RTBDN: variants seen among roughly 807,000 people sequenced by gnomAD.
The protein encoded by RTBDN is retbindin.
Under a neutral mutation model 21.9 loss-of-function variants are expected in RTBDN, and 24 were observed. The observed-to-expected ratio is 1.10, with a 90% CI of 0.79 to 1.54. The LOEUF (loss-of-function observed/expected upper bound fraction) is 1.54, where lower values mean the gene tolerates loss of function less well. Among genes scored for constraint, RTBDN ranks in the 40% most tolerant of loss-of-function variants. The pLI is 0.00. For synonymous variants in RTBDN, 141 were observed against 125.9 expected (o/e 1.12, Z -0.80); for missense variants, 325 against 315.2 (o/e 1.03, Z -0.23).
chr19:12,825,701 G>T lies in RTBDN; in HGVS notation c.*5C>A, dbSNP rs765358490. 1 of 1,559,956 alleles carries T rather than the reference G, an allele frequency of 6.4e-7. No individual in the cohort carries two copies. Among genetic ancestry groups the T allele is most frequent in the East Asian group, 2.4e-5 (1 of 41,646 alleles). ...TCGCTCCCCCAACTCAGGGCCACGC[G>T]TCCGCTAGGGGCCGCTGCCGCTTCC... is the stretch of plus-strand genomic sequence containing the variant. On this transcript the variant is annotated 3_prime_UTR_variant, in exon 6 of 6. Transcript: ENST00000674343.
In RTBDN at chr19:12,828,916, T is replaced by A. The variant is rs1332495356; in HGVS notation, c.207A>T (p.Thr69=). 6.2e-7 allele frequency: 1 copy of A among 1,614,192 alleles called. No individual in the cohort carries two copies. The highest frequency in any genetic ancestry group is 1.7e-5 in the Admixed American group (1 of 60,018). ...GTTCTGGATGGTTTCCAGGGCCCGA[T>A]GTCTCTGTTGTGTCCATCTCTGAGG... ...CCPSEMDTTE[T]SGPGNHPERC... Residue 69 remains threonine (T), a synonymous_variant, in exon 3 of 6, where the codon ACA becomes ACT. Coordinates refer to ENST00000674343, the MANE Select transcript of RTBDN (RefSeq NM_001270441.2).
In RTBDN at chr19:12,828,736, C is replaced by T. The variant is rs767803918; in HGVS notation, c.286G>A (p.Ala96Thr). The T allele has an allele frequency of 7.4e-6, 12 of 1,614,120 alleles. No homozygotes were observed. Among genetic ancestry groups the T allele is most frequent in the South Asian group, 4.4e-5 (4 of 91,088 alleles). Residue 96 changes from alanine (A) to threonine (T), a missense_variant, in exon 4 of 6, where the codon GCC becomes ACC. Coordinates refer to ENST00000674343, the MANE Select transcript of RTBDN (RefSeq NM_001270441.2). ...CGCAGGCGGAAGCGACTGCGAAGGG[C>T]ACGTTGGAGGTGTTCCAGGAAGGAT... ...CESFLEHLQR[A>T]LRSRFRLRLL...
chr19:12,835,296 T>G (rs1427290400), upstream of RTBDN: 2 of 592,252 alleles, frequency 3.4e-6, no homozygotes, highest in Admixed American at 5.6e-5. Flanking sequence ...TAGGCCTCTC[T>G]GAAGTGCTCC....
At chr19:12,826,018 T>G in intron 5 of RTBDN, 85 bp from the exon 6 acceptor site, 1 of 1,446,644 alleles carries the variant, frequency 6.9e-7, no homozygotes, top group Non-Finnish European at 9.1e-7. Flanking sequence ...AATGTGTAAA[T>G]TCCTTAGGGA....
chr19:12,832,934 C>G (rs994323495), intron 1 of RTBDN: 7 of 152,244 alleles, frequency 4.6e-5, no homozygotes, highest in African/African-American at 1.4e-4. Flanking sequence ...AGGGCTCGGA[C>G]ACTCTCCTCT....
Position 12,825,802 on chromosome 19 carries a change from G to A in RTBDN, c.594C>T (p.Gly198=), listed in dbSNP as rs1473033203. 1.2e-6 allele frequency: 2 copies of A among 1,612,150 alleles called. No individual in the cohort carries two copies. The highest frequency in any genetic ancestry group is 3.3e-5 in the Admixed American group (2 of 59,902). ...GGGAACGCCGGGAGGGAGCTTCCCG[G>A]CCCCGTCGTCCTGGTCTGGGACGAG... The part of the protein sequence containing the change: ...AVPRPRPGRR[G]REAPSRRSRS... Residue 198 remains glycine (G), a synonymous_variant, in exon 6 of 6, where the codon GGC becomes GGT. Transcript: ENST00000674343.
At chr19:12,826,978 G>A in intron 4 of RTBDN, 107 bp from the exon 5 acceptor site, 1 of 769,036 alleles carries the variant, frequency 1.3e-6, no homozygotes, top group East Asian at 2.7e-5. Flanking sequence ...TCGGATCCAG[G>A]CCCCGCCTTT....
rs7246112 is a variant in RTBDN at position 12,829,923 on chromosome 19, G to A, written c.57C>T (p.Thr19=). ...AGGCTTCTAGCAGGATCCATGCCAA[G>A]GTCAGTTGCAGCACCCACGTCAGGC... ...PIGLTWVLQL[T]LAWILLEACG... is the part of the protein sequence containing the mutation. Residue 19 remains threonine, a synonymous_variant, in exon 2 of 6, where the codon ACC becomes ACT. Coordinates refer to ENST00000674343, the MANE Select transcript of RTBDN (RefSeq NM_001270441.2). 2,858 of 1,614,168 alleles carry A rather than the reference G, an allele frequency of 1.8e-3. 35 individuals carry two copies. In the African/African-American group the frequency reaches 0.032, roughly 18 times the overall value.
intron 4 of RTBDN, 85 bp downstream of exon 4, chr19:12,828,572 T>C (rs1969414871): frequency 1.9e-6 from 2 of 1,045,982 alleles, no homozygotes; most frequent in African/African-American, 3.2e-5. Flanking sequence ...CACTCCCCTT[T>C]ACACAGAAGG....
chr19:12,830,095 G>A lies in RTBDN; in HGVS notation c.-18-98C>T. The A allele has an allele frequency of 7.1e-7, 1 of 1,417,988 alleles. No individual in the cohort carries two copies. The highest frequency in any genetic ancestry group is 2.4e-5 in the East Asian group (1 of 41,850). 87.8% of individuals were successfully genotyped at this position (1,417,988 alleles called of 1,614,324 possible). On this transcript the variant is annotated intron_variant, in intron 1 of 5. Coordinates refer to ENST00000674343, the MANE Select transcript of RTBDN (RefSeq NM_001270441.2). This position sits in a 1 kb window ranked among gnomAD's most constrained non-coding sequence, Gnocchi z 4.2. ...AAGAAGCAGTGCCAGGCAGAGTAGG[G>A]AAAGTGCAGCTGAGGAGGAGGCTGG...
Position 12,829,940 on chromosome 19 carries a change from A to G in RTBDN, c.40T>C (p.Trp14Arg). The G allele has an allele frequency of 6.2e-7, 1 of 1,614,112 alleles. No individual in the cohort carries two copies. The highest frequency in any genetic ancestry group is 8.5e-7 in the Non-Finnish European group (1 of 1,179,972). ...CATGCCAAGGTCAGTTGCAGCACCCACGTCAGGCCGATGGGTCGCATGTGG... is the reference window on the plus strand; with the variant it reads ...CATGCCAAGGTCAGTTGCAGCACCCGCGTCAGGCCGATGGGTCGCATGTGG... ...RVHMRPIGLT[W>R]VLQLTLAWIL... Residue 14 changes from tryptophan (W) to arginine (R), a missense_variant, in exon 2 of 6, where the codon TGG becomes CGG. Coordinates refer to ENST00000674343, the MANE Select transcript of RTBDN (RefSeq NM_001270441.2).
Position 12,830,347 on chromosome 19 carries a change from C to A in RTBDN, c.-18-350G>T. 6.8e-6 allele frequency: 7 copies of A among 1,024,482 alleles called. No homozygotes were observed. Among genetic ancestry groups the A allele is most frequent in the Non-Finnish European group, 8.2e-6 (7 of 855,104 alleles). The allele number at this position is 1,024,482 out of a possible 1,614,324, so 63.5% of individuals were successfully genotyped here. On this transcript the variant is annotated intron_variant, in intron 1 of 5. Coordinates refer to ENST00000674343, the MANE Select transcript of RTBDN (RefSeq NM_001270441.2). This position sits in a 1 kb window ranked among gnomAD's most constrained non-coding sequence, Gnocchi z 4.2. The stretch of plus-strand genomic sequence containing the variant: ...AGGGGACCTCCCTAGGTCTTCCAAT[C>A]CCCCTCTCCTGTTCAGTAATTCCTC...
At chr19:12,827,320 ATTTTTTT>A (rs34634301) in intron 4 of RTBDN, among the ~76,000 whole-genome samples, 4 of 120,340 alleles carry the variant, frequency 3.3e-5, no homozygotes, top group Non-Finnish European at 6.8e-5. Flanking sequence ...TGTCCGATTA[ATTTTTTT>A]TTTTTTTTTT....
intron 5 of RTBDN, chr19:12,826,369 C>A (rs2145842793): frequency 7.9e-7 from 1 of 1,271,862 alleles, no homozygotes. Flanking sequence ...GAGTACCAAT[C>A]CGGTCTCTGG....
intron 5 of RTBDN, chr19:12,826,469 G>A (rs1217103645): frequency 5.2e-6 from 6 of 1,146,428 alleles, no homozygotes; most frequent in East Asian, 5.3e-5. Flanking sequence ...CGAGGTGGGC[G>A]GATCACCTGA....
intron 1 of RTBDN, among the ~76,000 whole-genome samples, chr19:12,831,015 GTT>G (rs1969553211): frequency 1.0e-5 from 1 of 98,484 alleles, no homozygotes. Flanking sequence ...TGGTGGAGTG[GTT>G]GTGTGTGTGT....
intron 1 of RTBDN, among the ~76,000 whole-genome samples, chr19:12,831,180 T>G (rs1969560271): frequency 6.6e-6 from 1 of 152,026 alleles, no homozygotes; most frequent in Non-Finnish European, 1.5e-5. Flanking sequence ...CCTGCAAAAA[T>G]GTTGGAAGTC....
intron 5 of RTBDN, chr19:12,826,300 T>A: frequency 8.3e-7 from 1 of 1,208,806 alleles, no homozygotes. Flanking sequence ...GCTTTTGGGG[T>A]CAAAGGGCAC....
At chr19:12,828,179 C>T (rs1412389872) in intron 4 of RTBDN, among the ~76,000 whole-genome samples, 1 of 151,538 alleles carries the variant, frequency 6.6e-6, no homozygotes, top group Admixed American at 6.6e-5. Flanking sequence ...GGGCGGATCA[C>T]GAGGTCAGGA....
Sources: allele counts gnomAD v4.1 joint callset (sites outside exome capture counted in the v4.1 genomes callset), GRCh38; gene constraint gnomAD v4.1.1; non-coding constraint Gnocchi (gnomAD v3.1); transcripts MANE v1.5; gene names NCBI Gene and HGNC (gene_info 2026-07-23, HGNC 2026-07-21).